CTNND2: variants seen among roughly 807,000 people sequenced by gnomAD.
The protein encoded by CTNND2 is catenin delta 2, also known as catenin delta-2.
A neutral mutation model predicts 144.4 loss-of-function variants in CTNND2; 22 were observed. The ratio of observed to expected loss-of-function variants is 0.15; its 90% confidence interval spans 0.11 to 0.22. CTNND2 has a LOEUF of 0.22. CTNND2 is among the 10% of genes least tolerant of loss of function. The probability of loss-of-function intolerance (pLI) is 1.00; values close to 1 mark genes in which losing one functional copy is unlikely to be tolerated. For synonymous variants in CTNND2, 751 were observed against 695.6 expected, an observed-to-expected ratio of 1.08 and a Z score of -1.25; for missense variants, 1,353 against 1,618.8, an observed-to-expected ratio of 0.84 and a Z score of 2.82.
At chr5:11,198,655 T>G (rs770105911) in intron 11 of CTNND2, among the ~76,000 whole-genome samples, 6 of 152,214 alleles carry the variant, frequency 3.9e-5, no homozygotes, top group Non-Finnish European at 8.8e-5. Flanking sequence ...TACTTTTTGA[T>G]GAACTGAAAA....
Position 11,594,221 on chromosome 5 carries a change from A to C in CTNND2, c.175-29165T>G, listed in dbSNP as rs557875260. 4.6e-3 allele frequency among the ~76,000 whole-genome samples: 703 copies of C among 152,328 alleles called. 3 individuals are homozygous for C. The highest frequency in any genetic ancestry group is 0.011 in the Admixed American group (173 of 15,300). On this transcript the variant is annotated intron_variant, in intron 2 of 21. Transcript: ENST00000304623. ...AAATACTATTCAGCAAAGTAAATAAATCATGTATAACCAGGCACACTATTA... is the reference window on the plus strand; with the variant it reads ...AAATACTATTCAGCAAAGTAAATAACTCATGTATAACCAGGCACACTATTA...
chr5:11,398,228 T>A (rs191658005), intron 5 of CTNND2, among the ~76,000 whole-genome samples: 1 of 152,288 alleles, frequency 6.6e-6, no homozygotes, highest in Admixed American at 6.5e-5. Flanking sequence ...TCATTCTTGA[T>A]CCCCCTCTTT....
chr5:11,706,573 C>T (rs1022958919), intron 2 of CTNND2, among the ~76,000 whole-genome samples: 1 of 152,128 alleles, frequency 6.6e-6, no homozygotes, highest in African/African-American at 2.4e-5. Flanking sequence ...ACTCTCTTTC[C>T]CTTAGTTGTC....
intron 2 of CTNND2, among the ~76,000 whole-genome samples, chr5:11,626,513 C>A (rs1034475335): frequency 6.6e-6 from 1 of 152,134 alleles, no homozygotes; most frequent in Non-Finnish European, 1.5e-5. Flanking sequence ...CATCAACCAT[C>A]ACAAATTGAA....
intron 3 of CTNND2, among the ~76,000 whole-genome samples, chr5:11,515,351 C>T (rs1050296283): frequency 1.3e-5 from 2 of 152,106 alleles, no homozygotes; most frequent in South Asian, 2.1e-4. Flanking sequence ...ACCACAGTAA[C>T]GCAATGTGAC....
chr5:11,067,347 T>C (rs945342133), intron 16 of CTNND2, among the ~76,000 whole-genome samples: 2 of 152,198 alleles, frequency 1.3e-5, no homozygotes, highest in Non-Finnish European at 2.9e-5. Flanking sequence ...AGTATTAAAT[T>C]ACATATTTTC....
intron 16 of CTNND2, among the ~76,000 whole-genome samples, chr5:11,035,985 A>C (rs2149559246): frequency 6.6e-6 from 1 of 152,330 alleles, no homozygotes; most frequent in South Asian, 2.1e-4. Flanking sequence ...GGGTACAAAA[A>C]TAATGAAGTT....
intron 7 of CTNND2, among the ~76,000 whole-genome samples, chr5:11,370,627 A>C (rs1045936665): frequency 2.0e-5 from 3 of 152,224 alleles, no homozygotes; most frequent in African/African-American, 7.2e-5. Context: ...TCTATAATCT[A>C]TGACTCTCTA....
chr5:11,248,647 T>C (rs145717866), intron 9 of CTNND2, among the ~76,000 whole-genome samples: 2 of 152,302 alleles, frequency 1.3e-5, no homozygotes, highest in African/African-American at 2.4e-5. Context: ...TGAATCTCTT[T>C]ATGAAAACTT....
chr5:11,137,052 T>C (rs1204956656), intron 12 of CTNND2, among the ~76,000 whole-genome samples: 2 of 152,234 alleles, frequency 1.3e-5, no homozygotes, highest in East Asian at 1.9e-4. Context: ...GTCACTCATA[T>C]ATCACCAGCA....
chr5:11,420,075 A>T (rs1017418141), intron 3 of CTNND2, among the ~76,000 whole-genome samples: 1 of 152,140 alleles, frequency 6.6e-6, no homozygotes, highest in Non-Finnish European at 1.5e-5. Context: ...CTGTAATCCC[A>T]CAAGTTTGGG....
At chr5:11,704,141 T>C (rs187046047) in intron 2 of CTNND2, among the ~76,000 whole-genome samples, 9 of 152,342 alleles carry the variant, frequency 5.9e-5, no homozygotes, top group Admixed American at 5.2e-4. Context: ...TAGTCAAGCT[T>C]ATTTGAAATT....
chr5:11,343,087 C>T (rs767822093), intron 9 of CTNND2, among the ~76,000 whole-genome samples: 4 of 152,074 alleles, frequency 2.6e-5, no homozygotes, highest in Non-Finnish European at 4.4e-5. Flanking sequence ...TTTCTGTTGG[C>T]ATATAGGATG....
At chr5:10,999,264 A>T (rs1416851962) in intron 18 of CTNND2, among the ~76,000 whole-genome samples, 1 of 152,234 alleles carries the variant, frequency 6.6e-6, no homozygotes, top group Non-Finnish European at 1.5e-5. Context: ...TGTCACTCAG[A>T]ATGGCTTGGA....
At chr5:11,080,319 T>G (rs1749411065) in intron 16 of CTNND2, among the ~76,000 whole-genome samples, 1 of 152,188 alleles carries the variant, frequency 6.6e-6, no homozygotes, top group Admixed American at 6.5e-5. Flanking sequence ...AAACCAGTGT[T>G]GGTGAGGATG....
chr5:11,879,184 G>A (rs1169160343), intron 1 of CTNND2, among the ~76,000 whole-genome samples: 2 of 151,878 alleles, frequency 1.3e-5, no homozygotes, highest in African/African-American at 4.8e-5. Context: ...GGAAGGTGGA[G>A]GGATGACAGA....
At chr5:11,030,765 T>G (rs562796241) in intron 16 of CTNND2, among the ~76,000 whole-genome samples, 2 of 150,918 alleles carry the variant, frequency 1.3e-5, no homozygotes, top group Non-Finnish European at 3.0e-5. Context: ...TTTTTTTTTT[T>G]TTTTTTTTTT....
chr5:11,163,758 G>A (rs7721243), intron 11 of CTNND2, among the ~76,000 whole-genome samples: 46,934 of 152,052 alleles, frequency 0.31, 8,701 homozygotes, highest in Non-Finnish European at 0.43. Context: ...GGATGATCCA[G>A]CTACACTTTG....
chr5:11,209,495 T>C (rs1211754059), intron 10 of CTNND2, among the ~76,000 whole-genome samples: 3 of 152,204 alleles, frequency 2.0e-5, no homozygotes, highest in Non-Finnish European at 4.4e-5. Context: ...ATAGATCATG[T>C]ACATTCCAAG....
Sources: allele counts gnomAD v4.1 joint callset (sites outside exome capture counted in the v4.1 genomes callset), GRCh38; gene constraint gnomAD v4.1.1; transcripts MANE v1.5; gene names NCBI Gene and HGNC (gene_info 2026-07-23, HGNC 2026-07-21).